GRID1: variants seen among roughly 807,000 people sequenced by gnomAD.
GRID1 encodes glutamate receptor ionotropic, delta-1.
In GRID1, 28 loss-of-function variants were observed where a neutral mutation model predicts 98.0. The observed-to-expected ratio is 0.29, with a 90% CI of 0.21 to 0.39. GRID1 has a LOEUF of 0.39. GRID1 is among the 10% of genes least tolerant of loss of function. The pLI, the probability that GRID1 is intolerant of heterozygous loss-of-function variation, is 1.00. For missense variants in GRID1, 1,111 were observed against 1,340.5 expected (o/e 0.83, Z 2.67); for synonymous variants, 553 against 538.5 (o/e 1.03, Z -0.37).
chr10:86,009,935 C>G (rs898516364), intron 4 of GRID1, among the ~76,000 whole-genome samples: 1 of 152,194 alleles, frequency 6.6e-6, no homozygotes, highest in Non-Finnish European at 1.5e-5. Context: ...AGGACTGGTA[C>G]AAAATGAGAC....
At chr10:85,605,447 C>T (rs1842646507) in intron 15 of GRID1, 1 of 152,222 alleles carries the variant, frequency 6.6e-6, no homozygotes, top group Non-Finnish European at 1.5e-5. Flanking sequence ...CTGTCAAAGA[C>T]TTTCATTTCC....
chr10:86,022,430 A>C (rs1843062053), intron 4 of GRID1, among the ~76,000 whole-genome samples: 1 of 152,188 alleles, frequency 6.6e-6, no homozygotes, highest in African/African-American at 2.4e-5. Flanking sequence ...GCAGGGCCAC[A>C]GGGTGAGGCC....
chr10:85,918,709 T>G (rs1404494455), intron 4 of GRID1, among the ~76,000 whole-genome samples: 1 of 152,224 alleles, frequency 6.6e-6, no homozygotes, highest in Non-Finnish European at 1.5e-5. Context: ...GAGGCAGATA[T>G]CAATTCAATA....
At chr10:85,677,700 A>G (rs930008899) in intron 12 of GRID1, among the ~76,000 whole-genome samples, 7 of 152,148 alleles carry the variant, frequency 4.6e-5, no homozygotes, top group African/African-American at 1.7e-4. Context: ...CCCTGGAGAG[A>G]ATGGAGTCGT....
intron 4 of GRID1, among the ~76,000 whole-genome samples, chr10:86,096,289 C>T (rs575689622): frequency 4.6e-5 from 7 of 152,138 alleles, no homozygotes; most frequent in African/African-American, 7.2e-5. Flanking sequence ...CAAATCACCA[C>T]GAAAGAACTT....
intron 4 of GRID1, among the ~76,000 whole-genome samples, chr10:86,123,555 C>A (rs1327891794): frequency 6.6e-6 from 1 of 152,200 alleles, no homozygotes; most frequent in East Asian, 1.9e-4. Flanking sequence ...GCAAACAAAT[C>A]GCAGCCCTGG....
At chr10:85,813,120 T>A (rs1269162762) in intron 8 of GRID1, among the ~76,000 whole-genome samples, 1 of 151,798 alleles carries the variant, frequency 6.6e-6, no homozygotes, top group Non-Finnish European at 1.5e-5. Context: ...TTAATTGATG[T>A]GCCATTGGAG....
intron 8 of GRID1, among the ~76,000 whole-genome samples, chr10:85,741,232 A>G (rs565239133): frequency 6.6e-6 from 1 of 152,290 alleles, no homozygotes; most frequent in South Asian, 2.1e-4. Flanking sequence ...GAAGCTCTGC[A>G]AAAGGTTTTC....
intron 4 of GRID1, among the ~76,000 whole-genome samples, chr10:85,923,130 G>T (rs115026151): frequency 0.021 from 2,168 of 101,916 alleles, 51 homozygotes; most frequent in African/African-American, 0.089. Context: ...CCAGGAGCCA[G>T]CCCCTCCTTG....
At chr10:85,741,843 C>G (rs141282802) in intron 8 of GRID1, among the ~76,000 whole-genome samples, 1 of 151,988 alleles carries the variant, frequency 6.6e-6, no homozygotes, top group African/African-American at 2.4e-5. Flanking sequence ...ACACTGGCCA[C>G]CTTTCACTTT....
chr10:86,048,162 A>C (rs908007786), intron 4 of GRID1, among the ~76,000 whole-genome samples: 4 of 152,210 alleles, frequency 2.6e-5, no homozygotes, highest in African/African-American at 9.7e-5. Flanking sequence ...CCAGGATCAG[A>C]GATCACCAGG....
chr10:85,739,697 T>G (rs1343277827), intron 8 of GRID1, among the ~76,000 whole-genome samples: 1 of 152,140 alleles, frequency 6.6e-6, no homozygotes, highest in African/African-American at 2.4e-5. Flanking sequence ...GCCAAAAAAT[T>G]ATCGATCTCA....
intron 2 of GRID1, among the ~76,000 whole-genome samples, chr10:86,300,470 G>C (rs1847666031): frequency 7.8e-6 from 1 of 128,478 alleles, no homozygotes; most frequent in African/African-American, 2.9e-5. Context: ...GAACAGGGGA[G>C]GGAGGAAGGG....
At chr10:86,131,079 C>A (rs1377997211) in intron 4 of GRID1, among the ~76,000 whole-genome samples, 1 of 152,212 alleles carries the variant, frequency 6.6e-6, no homozygotes, top group African/African-American at 2.4e-5. Flanking sequence ...CAGAGAATGG[C>A]ACCAGATGTG....
chr10:86,224,905 T>C (rs1191170825), intron 2 of GRID1, among the ~76,000 whole-genome samples: 1 of 152,198 alleles, frequency 6.6e-6, no homozygotes, highest in East Asian at 1.9e-4. Context: ...TCACTCTGAA[T>C]CATCACCCTC....
intron 12 of GRID1, among the ~76,000 whole-genome samples, chr10:85,700,544 G>A (rs12219642): frequency 0.018 from 2,787 of 152,190 alleles, 46 homozygotes; most frequent in East Asian, 0.06. Context: ...ATTTCCTAAA[G>A]GCACTATTAA....
intron 2 of GRID1, among the ~76,000 whole-genome samples, chr10:86,361,990 G>A (rs1213633097): frequency 1.3e-5 from 2 of 152,170 alleles, no homozygotes; most frequent in African/African-American, 4.8e-5. Context: ...GGGAGCGGAC[G>A]GGCATCATTC....
intron 5 of GRID1, among the ~76,000 whole-genome samples, chr10:85,906,999 A>C (rs1211265585): frequency 6.6e-6 from 1 of 152,238 alleles, no homozygotes; most frequent in African/African-American, 2.4e-5. Context: ...AAAAAAGAAA[A>C]GAGACAAGTA....
chr10:86,337,455 A>G (rs1397342461), intron 2 of GRID1, among the ~76,000 whole-genome samples: 1 of 152,052 alleles, frequency 6.6e-6, no homozygotes, highest in Non-Finnish European at 1.5e-5. Context: ...CAGCTACAAC[A>G]CCACAGAAAG....
Sources: gnomAD v4.1 joint callset for allele counts (sites outside exome capture counted in the v4.1 genomes callset) on GRCh38, gnomAD v4.1.1 for gene constraint, MANE v1.5 for transcripts, NCBI Gene and HGNC (gene_info 2026-07-23, HGNC 2026-07-21) for gene names.